The following PPIP5K2 variants were observed in gnomAD, a reference collection of about 807,000 sequenced individuals.
The protein encoded by PPIP5K2 is diphosphoinositol pentakisphosphate kinase 2.
In PPIP5K2, 105 loss-of-function variants were observed where a neutral mutation model predicts 154.6. The ratio of observed to expected loss-of-function variants is 0.68; its 90% confidence interval spans 0.58 to 0.80. PPIP5K2 has a LOEUF of 0.80. Ranked by LOEUF, PPIP5K2 falls within the 30% of genes least tolerant of loss-of-function variation. PPIP5K2 has a pLI of 0.00. For missense variants in PPIP5K2, 992 were observed against 1,504.6 expected (o/e 0.66, Z 5.64); for synonymous variants, 480 against 490.3 (o/e 0.98, Z 0.28).
At chr5:103,162,563 G>A (rs1219541098) in intron 17 of PPIP5K2, among the ~76,000 whole-genome samples, 1 of 151,778 alleles carries the variant, frequency 6.6e-6, no homozygotes, top group East Asian at 1.9e-4. Flanking sequence ...GGGTCTCACT[G>A]TGTTGCCCAG....
intron 30 of PPIP5K2, among the ~76,000 whole-genome samples, chr5:103,197,385 G>A (rs1802247776): frequency 6.6e-6 from 1 of 151,442 alleles, no homozygotes; most frequent in African/African-American, 2.4e-5. Context: ...TTGTCAAATT[G>A]TTGCTCTTTT....
At chr5:103,186,776 T>TA (rs1174606127) in intron 27 of PPIP5K2, among the ~76,000 whole-genome samples, 33 of 152,174 alleles carry the variant, frequency 2.2e-4, no homozygotes, top group African/African-American at 7.5e-4. Context: ...TGTTAACACT[T>TA]ATTTTACTTA....
intron 8 of PPIP5K2, among the ~76,000 whole-genome samples, chr5:103,150,547 G>A (rs546465191): frequency 6.6e-6 from 1 of 152,234 alleles, no homozygotes; most frequent in East Asian, 1.9e-4. Context: ...GCTGAGGTAG[G>A]TGGATCACTT....
chr5:103,174,668 C>A (rs1798437831), intron 21 of PPIP5K2, among the ~76,000 whole-genome samples: 1 of 152,040 alleles, frequency 6.6e-6, no homozygotes, highest in Non-Finnish European at 1.5e-5. Flanking sequence ...AAGTGCATGG[C>A]ATTTTTATGA....
intron 8 of PPIP5K2, 46 bp downstream of exon 8, chr5:103,149,359 A>G (rs1431359607): frequency 2.6e-6 from 4 of 1,523,066 alleles, no homozygotes; most frequent in Non-Finnish European, 3.5e-6. Flanking sequence ...GGTAAATTCT[A>G]ATTTTCTTTT....
chr5:103,124,245 A>G (rs1271434573), intron 1 of PPIP5K2, among the ~76,000 whole-genome samples: 1 of 146,432 alleles, frequency 6.8e-6, no homozygotes, highest in Non-Finnish European at 1.5e-5. Flanking sequence ...GTGCCACTGC[A>G]CTCCAACCTG....
At position 103,173,981 on chromosome 5, in the gene PPIP5K2, A is replaced by G. The variant is rs1554220232; in HGVS notation, c.2529+9A>G. On this transcript the variant is annotated intron_variant, in intron 21 of 30. Transcript: ENST00000358359. ...ATGGTGCCTTATGCAATGTAAGTAG[A>G]ATAAGTTATTTCAGTCTAACAAATA... 1.3e-6 allele frequency: 2 copies of G among 1,514,646 alleles called. No homozygotes were observed. Among genetic ancestry groups the G allele is most frequent in the Non-Finnish European group, 1.8e-6 (2 of 1,102,164 alleles). The allele number at this position is 1,514,646 out of a possible 1,614,324, so 93.8% of individuals were successfully genotyped here.
rs1383328838 is a variant in PPIP5K2, at chr5:103,204,261, A to T, written c.*2627A>T. On this transcript the variant is annotated 3_prime_UTR_variant, in exon 31 of 31. Coordinates refer to ENST00000358359, the MANE Select transcript of PPIP5K2 (RefSeq NM_001276277.3). ...ATTTATAAGAATTTGCTTTACACAT[A>T]GTGTACAGTGTTTATTAACTTTACA... 6.6e-6 allele frequency: 1 copy of T among 152,208 alleles called. No individual in the cohort carries two copies. The highest frequency in any genetic ancestry group is 1.5e-5 in the Non-Finnish European group (1 of 68,048). 9.4% of individuals were successfully genotyped at this position (152,208 alleles called of 1,614,324 possible). A position where few individuals can be genotyped will look rare whatever the true frequency, so the allele number is the denominator to read the frequency against.
rs1554232615 is a variant in PPIP5K2 at position 103,212,101 on chromosome 5, T to C, written c.*10467T>C. 1 of 152,006 alleles carries C rather than the reference T, an allele frequency of 6.6e-6. No individual in the cohort carries two copies. Among genetic ancestry groups the C allele is most frequent in the African/African-American group, 2.4e-5 (1 of 41,392 alleles). The allele number at this position is 152,006 out of a possible 1,614,324, so 9.4% of individuals were successfully genotyped here. A position where few individuals can be genotyped will look rare whatever the true frequency, so the allele number is the denominator to read the frequency against. ...GGGAAGAGATAAACAGGGGGTTAGG[T>C]TGTAGATTATATGCATGACAGATTG... On this transcript the variant is annotated 3_prime_UTR_variant, in exon 31 of 31. Transcript: ENST00000358359.
chr5:103,175,481 A>C (rs1798573319), intron 21 of PPIP5K2, among the ~76,000 whole-genome samples: 1 of 152,164 alleles, frequency 6.6e-6, no homozygotes, highest in Non-Finnish European at 1.5e-5. Flanking sequence ...TACATCTCTT[A>C]CATGGTCCTT....
intron 29 of PPIP5K2, among the ~76,000 whole-genome samples, chr5:103,193,830 C>G (rs916042801): frequency 6.6e-6 from 1 of 152,128 alleles, no homozygotes; most frequent in African/African-American, 2.4e-5. Context: ...TCTAGAAGCT[C>G]ATGCCAGTAG....
rs888678713 is a variant in PPIP5K2 at position 103,206,454 on chromosome 5, T to A, written c.*4820T>A. ...CTTTGATCATCTACTCACCCCTAGA[T>A]AAATAGAATACTCCAGGAGATTCCC... On this transcript the variant is annotated 3_prime_UTR_variant, in exon 31 of 31. Transcript: ENST00000358359. The A allele has an allele frequency of 6.6e-6, 1 of 152,146 alleles. No homozygotes were observed. Among genetic ancestry groups the A allele is most frequent in the Non-Finnish European group, 1.5e-5 (1 of 68,036 alleles). The allele number at this position is 152,146 out of a possible 1,614,324, so 9.4% of individuals were successfully genotyped here.
intron 24 of PPIP5K2, among the ~76,000 whole-genome samples, chr5:103,181,165 CT>C (rs2149746653): frequency 6.6e-6 from 1 of 152,074 alleles, no homozygotes; most frequent in African/African-American, 2.4e-5. Flanking sequence ...ATTTTTAATA[CT>C]TTAAATAAGT....
Position 103,138,372 on chromosome 5 carries a change from C to T in PPIP5K2, c.402-12C>T. Reference sequence around the variant, plus strand: ...GCAATAAAACAATAAGGATGTTTCCCTTTTTCTTCAGGAGAGAAGTATATA... The same window carrying T: ...GCAATAAAACAATAAGGATGTTTCCTTTTTTCTTCAGGAGAGAAGTATATA... On this transcript the variant is annotated splice_polypyrimidine_tract_variant and intron_variant, in intron 4 of 30. Coordinates refer to ENST00000358359, the MANE Select transcript of PPIP5K2 (RefSeq NM_001276277.3). 1 of 1,473,870 alleles carries T rather than the reference C, an allele frequency of 6.8e-7. No individual in the cohort carries two copies. The allele number at this position is 1,473,870 out of a possible 1,614,324, so 91.3% of individuals were successfully genotyped here.
Position 103,201,552 on chromosome 5 carries a change from C to A in PPIP5K2, c.3650C>A (p.Pro1217His). 1 of 1,607,740 alleles carries A rather than the reference C, an allele frequency of 6.2e-7. No individual in the cohort carries two copies. The highest frequency in any genetic ancestry group is 8.5e-7 in the Non-Finnish European group (1 of 1,177,880). ...ATSGPSSAVV[P>H]NTSSRKKNIT... ...AGTGGACCTTCTAGTGCAGTTGTTC[C>A]TAATACCTCATCTCGGAAAAAGAAT... The change falls in exon 31 of 31, where the codon CCT (proline) becomes CAT (histidine). Residue 1217 changes from proline (P) to histidine (H), a missense_variant. Physicochemically the swap from Pro to His is moderately conservative, Grantham distance 77. Transcript: ENST00000358359.
At chr5:103,148,528 A>G (rs1209549693) in intron 7 of PPIP5K2, among the ~76,000 whole-genome samples, 2 of 152,144 alleles carry the variant, frequency 1.3e-5, no homozygotes, top group Non-Finnish European at 2.9e-5. Context: ...AATGTTTTCT[A>G]AAGTATAAAT....
chr5:103,141,186 C>G (rs923925446), intron 5 of PPIP5K2, among the ~76,000 whole-genome samples: 7 of 152,162 alleles, frequency 4.6e-5, no homozygotes, highest in African/African-American at 1.7e-4. Context: ...TTGGTGGGTT[C>G]TTGGTCTCAC....
Position 103,129,452 on chromosome 5 carries a change from G to C in PPIP5K2, c.-138G>C. 1.8e-6 allele frequency: 1 copy of C among 555,850 alleles called. No homozygotes were observed. Among genetic ancestry groups the C allele is most frequent in the East Asian group, 3.2e-5 (1 of 31,186 alleles). The allele number at this position is 555,850 out of a possible 1,614,324, so 34.4% of individuals were successfully genotyped here. A position where few individuals can be genotyped will look rare whatever the true frequency, so the allele number is the denominator to read the frequency against. On this transcript the variant is annotated 5_prime_UTR_variant, in exon 2 of 31. The change abolishes the stop of an existing upstream ORF in the 5' untranslated region. Coordinates refer to ENST00000358359, the MANE Select transcript of PPIP5K2 (RefSeq NM_001276277.3). ...GCCAACAGTCATCATAATATCAAGT[G>C]ATTGTATAAGCAGAAACAAGCTGTC...
At chr5:103,140,860 A>C (rs1379739647) in intron 5 of PPIP5K2, among the ~76,000 whole-genome samples, 1 of 149,666 alleles carries the variant, frequency 6.7e-6, no homozygotes, top group African/African-American at 2.5e-5. Context: ...AAAAAAAATT[A>C]TCCTTCAAAC....
Sources: allele counts gnomAD v4.1 joint callset (sites outside exome capture counted in the v4.1 genomes callset), GRCh38; gene constraint gnomAD v4.1.1; transcripts MANE v1.5; gene names NCBI Gene and HGNC (gene_info 2026-07-23, HGNC 2026-07-21).